Variants in HEYL observed in about 807,000 individuals in gnomAD.
HEYL encodes the protein hes related family bHLH transcription factor with YRPW motif like.
In HEYL, 12 loss-of-function variants were observed where a neutral mutation model predicts 18.6. The ratio of observed to expected loss-of-function variants is 0.65; its 90% CI spans 0.41 to 1.05. The LOEUF (loss-of-function observed/expected upper bound fraction) is 1.05, where lower values mean the gene tolerates loss of function less well. HEYL is among the 50% of genes least tolerant of loss of function. HEYL has a pLI of 0.00. For synonymous variants in HEYL, 159 were observed against 179.6 expected (o/e 0.89, Z 0.91); for missense variants, 420 against 444.7 (o/e 0.94, Z 0.50).
Position 39,626,374 on chromosome 1 carries a change from C to T in HEYL, c.*133G>A. The T allele has an allele frequency of 1.3e-6, 1 of 756,946 alleles. No homozygotes were observed. The highest frequency in any genetic ancestry group is 1.8e-5 in the African/African-American group (1 of 55,954). 46.9% of individuals were successfully genotyped at this position (756,946 alleles called of 1,614,324 possible). A position where few individuals can be genotyped will look rare whatever the true frequency, so the allele number is the denominator to read the frequency against. On this transcript the variant is annotated 3_prime_UTR_variant, in exon 5 of 5. Coordinates refer to ENST00000372852, the MANE Select transcript of HEYL (RefSeq NM_014571.4). ...GAGATGGGTTGGAGGAGGAGGGGGC[C>T]TCTGATGGCTGGAGAACGTGCCTTC... is the stretch of plus-strand genomic sequence containing the variant.
chr1:39,636,710 TG>T (rs1350317000), intron 1 of HEYL, among the ~76,000 whole-genome samples: 2 of 152,218 alleles, frequency 1.3e-5, no homozygotes, highest in Non-Finnish European at 2.9e-5. Context: ...GCACTGTAAG[TG>T]AAGTATTTTT....
At chr1:39,627,931 C>G (rs1412464214) in intron 4 of HEYL, among the ~76,000 whole-genome samples, 4 of 152,222 alleles carry the variant, frequency 2.6e-5, no homozygotes, top group African/African-American at 9.6e-5. Context: ...ATCTGGAAAG[C>G]AAGACCCCAC....
In HEYL at chr1:39,627,001, T is replaced by G; in HGVS notation, c.493A>C (p.Thr165Pro). ...GGGAAGGCCAAAGGGCCAGTGGGCG[T>G]GGGCGAAGGCTCCATCTCGGCTGCG... ...SYAAEMEPSP[T>P]PTGPLAFPAW... The change falls in exon 5 of 5, where the codon ACG becomes CCG. Residue 165 changes from threonine to proline, a missense_variant. Physicochemically the swap from Thr to Pro is conservative, Grantham distance 38. Transcript: ENST00000372852. 4.3e-6 allele frequency: 7 copies of G among 1,614,012 alleles called. No individual in the cohort carries two copies. The highest frequency in any genetic ancestry group is 5.9e-6 in the Non-Finnish European group (7 of 1,179,970).
rs1303098072 is a variant in HEYL at position 39,625,061 on chromosome 1, A to C, written c.*1446T>G. On this transcript the variant is annotated 3_prime_UTR_variant, in exon 5 of 5. Coordinates refer to ENST00000372852, the MANE Select transcript of HEYL (RefSeq NM_014571.4). ...TGAAGTATCTAACCAGTGTGGAATG[A>C]GCACCAGTGAACTGCTGGCTCTGGG... is the stretch of plus-strand genomic sequence containing the variant. 1.3e-5 allele frequency: 2 copies of C among 152,208 alleles called. No homozygotes were observed. Among genetic ancestry groups the C allele is most frequent in the Non-Finnish European group, 2.9e-5 (2 of 68,066 alleles). 9.4% of individuals were successfully genotyped at this position (152,208 alleles called of 1,614,324 possible).
rs764158986 is a variant in HEYL at position 39,630,313 on chromosome 1, G to A, written c.232-5C>T. Reference sequence around the variant, plus strand: ...TTTCTCCAGCTTGGAAGAGCCCTGCGGGTACAGAAGACAGAAGGGTGGAGC... The same window carrying A: ...TTTCTCCAGCTTGGAAGAGCCCTGCAGGTACAGAAGACAGAAGGGTGGAGC... On this transcript the variant is annotated splice_polypyrimidine_tract_variant and splice_region_variant and intron_variant, in intron 3 of 4. Coordinates refer to ENST00000372852, the MANE Select transcript of HEYL (RefSeq NM_014571.4). 11 of 1,612,484 alleles carry A rather than the reference G, an allele frequency of 6.8e-6. No homozygotes were observed. The highest frequency in any genetic ancestry group is 6.6e-5 in the South Asian group (6 of 91,048).
In HEYL at chr1:39,631,560, C is replaced by T. The variant is rs777598242; in HGVS notation, c.167G>A (p.Arg56Gln). The T allele has an allele frequency of 6.8e-6, 11 of 1,614,190 alleles. No individual in the cohort carries two copies. The Middle Eastern group carries it at 4.9e-4, about 73-fold the overall frequency. ...KHRGIIEKRR[R>Q]DRINSSLSEL... is the part of the protein sequence containing the mutation. Reference sequence around the variant, plus strand: ...AGAAAGGCTACTGTTGATGCGGTCTCGACGCCGTTTCTCTATGATCTAAAC... The same window carrying T: ...AGAAAGGCTACTGTTGATGCGGTCTTGACGCCGTTTCTCTATGATCTAAAC... The change falls in exon 3 of 5, where the codon CGA becomes CAA. Residue 56 changes from arginine to glutamine, a missense_variant. Transcript: ENST00000372852.
rs763140964 is a variant in HEYL, at chr1:39,632,598, A to G, written c.147+51T>C. ...TCTCCCCGCCGCCAGACTGCAGGGG[A>G]TTCATGGCAACCCTTTGTTGGTCAA... On this transcript the variant is annotated intron_variant, in intron 2 of 4. Transcript: ENST00000372852. 5 of 1,527,044 alleles carry G rather than the reference A, an allele frequency of 3.3e-6. No homozygotes were observed. In the South Asian group the frequency reaches 5.8e-5, roughly 18 times the overall value. The allele number at this position is 1,527,044 out of a possible 1,614,324, so 94.6% of individuals were successfully genotyped here.
rs1335455805 is a variant in HEYL at position 39,633,985 on chromosome 1, A to G, written c.81-1270T>C. 2.0e-5 allele frequency: 3 copies of G among 151,960 alleles called. No individual in the cohort carries two copies. The East Asian group carries it at 5.8e-4, about 29-fold the overall frequency. The allele number at this position is 151,960 out of a possible 1,614,324, so 9.4% of individuals were successfully genotyped here. A position where few individuals can be genotyped will look rare whatever the true frequency, so the allele number is the denominator to read the frequency against. ...AGAGCTTCTTGTTGGGTCCTTTTAC[A>G]CCCTCTTTTACTCTCTACAAGCCTA... On this transcript the variant is annotated intron_variant, in intron 1 of 4. Transcript: ENST00000372852.
rs1236611966 is a variant in HEYL at position 39,626,583 on chromosome 1, C to G, written c.911G>C (p.Gly304Ala). ...AVPTPNSSSP[G>A]PAGRPAGAML... ...GGCTCCCGCTGGCCTCCCAGCTGGC[C>G]CTGGGGAGGATGAGTTGGGGGTGGG... The change falls in exon 5 of 5, where the codon GGG becomes GCG. Residue 304 changes from glycine to alanine, a missense_variant. Gly to Ala is a moderately conservative substitution (Grantham distance 60). Transcript: ENST00000372852. 2 of 1,552,808 alleles carry G rather than the reference C, an allele frequency of 1.3e-6. No individual in the cohort carries two copies. The highest frequency in any genetic ancestry group is 1.7e-6 in the Non-Finnish European group (2 of 1,148,896).
chr1:39,630,168 G>A, intron 4 of HEYL, 59 bp downstream of exon 4: 6 of 1,473,266 alleles, frequency 4.1e-6, no homozygotes, highest in Admixed American at 1.7e-5. Context: ...ATATCCCCAG[G>A]GCCCAGCCTC....
intron 3 of HEYL, 58 bp downstream of exon 3, chr1:39,631,438 G>A: frequency 1.4e-6 from 2 of 1,476,656 alleles, no homozygotes; most frequent in Middle Eastern, 1.8e-4. Flanking sequence ...CATGAGAAAC[G>A]AACCTTATCT....
intron 1 of HEYL, chr1:39,633,150 C>CGCCG (rs1179625287): frequency 1.0e-6 from 1 of 980,980 alleles, no homozygotes; most frequent in African/African-American, 1.8e-5. Context: ...GGGCCGGGCG[C>CGCCG]GCCGGCCGCC....
Position 39,626,680 on chromosome 1 carries a change from T to C in HEYL, c.814A>G (p.Ile272Val), listed in dbSNP as rs1486341368. Residue 272 changes from isoleucine (I) to valine (V), a missense_variant, in exon 5 of 5, where the codon ATC becomes GTC. Transcript: ENST00000372852. Reference protein sequence around the residue: ...PSSRAARSSHIAPLLQSSSPT... With the variant: ...PSSRAARSSHVAPLLQSSSPT... ...GAGGAAGACTGCAGGAGGGGAGCGATGTGGCTGCTCCTGGCAGCCCTGCTG... is the reference window on the plus strand; with the variant it reads ...GAGGAAGACTGCAGGAGGGGAGCGACGTGGCTGCTCCTGGCAGCCCTGCTG... 3 of 1,514,716 alleles carry C rather than the reference T, an allele frequency of 2.0e-6. No individual in the cohort carries two copies. Among genetic ancestry groups the C allele is most frequent in the Non-Finnish European group, 2.7e-6 (3 of 1,129,476 alleles). 93.8% of individuals were successfully genotyped at this position (1,514,716 alleles called of 1,614,324 possible).
chr1:39,625,385 C>A lies in HEYL; in HGVS notation c.*1122G>T, dbSNP rs1646290584. 6.6e-6 allele frequency: 1 copy of A among 152,248 alleles called. No homozygotes were observed. Among genetic ancestry groups the A allele is most frequent in the Admixed American group, 6.5e-5 (1 of 15,286 alleles). The allele number at this position is 152,248 out of a possible 1,614,324, so 9.4% of individuals were successfully genotyped here. On this transcript the variant is annotated 3_prime_UTR_variant, in exon 5 of 5. Transcript: ENST00000372852. ...TGAGCAGAGCCAGCTCTGTGGAGTC[C>A]TGGTGAACAGGATCTCAGGCGCTCG...
intron 1 of HEYL, chr1:39,633,209 C>T (rs1438940551): frequency 2.1e-5 from 15 of 729,490 alleles, no homozygotes; most frequent in Admixed American, 6.3e-5. Context: ...GCGGTGCGGC[C>T]GGGGGCGAAG....
Position 39,631,587 on chromosome 1 carries a change from A to G in HEYL, c.148-8T>C, listed in dbSNP as rs1646333872. ...ACGCCGTTTCTCTATGATCTAAACAATCATGACAAGAAGTTACTCACAGGT... is the reference window on the plus strand; with the variant it reads ...ACGCCGTTTCTCTATGATCTAAACAGTCATGACAAGAAGTTACTCACAGGT... On this transcript the variant is annotated splice_region_variant and splice_polypyrimidine_tract_variant and intron_variant, in intron 2 of 4. Coordinates refer to ENST00000372852, the MANE Select transcript of HEYL (RefSeq NM_014571.4). 6.2e-7 allele frequency: 1 copy of G among 1,613,444 alleles called. No individual in the cohort carries two copies. The highest frequency in any genetic ancestry group is 1.3e-5 in the African/African-American group (1 of 74,936).
chr1:39,639,201 A>C (rs1207511390), intron 1 of HEYL, among the ~76,000 whole-genome samples: 4 of 152,188 alleles, frequency 2.6e-5, no homozygotes, highest in Non-Finnish European at 5.9e-5. Context: ...CCATCAGTCT[A>C]TGAGAGTTTT....
intron 1 of HEYL, among the ~76,000 whole-genome samples, chr1:39,634,846 C>T (rs544629982): frequency 2.6e-5 from 4 of 152,378 alleles, no homozygotes; most frequent in African/African-American, 9.6e-5. Context: ...CTTCAGTACT[C>T]AGCAAGGGCT....
intron 4 of HEYL, among the ~76,000 whole-genome samples, chr1:39,629,466 C>A (rs1478963080): frequency 6.6e-6 from 1 of 152,156 alleles, no homozygotes; most frequent in African/African-American, 2.4e-5. Flanking sequence ...CCTGATTCTG[C>A]CTGCCCCAAG....
Sources: allele counts gnomAD v4.1 joint callset (sites outside exome capture counted in the v4.1 genomes callset), GRCh38; gene constraint gnomAD v4.1.1; transcripts MANE v1.5; gene names NCBI Gene and HGNC (gene_info 2026-07-23, HGNC 2026-07-21).